Variants in ASPM observed in about 807,000 individuals in gnomAD.
The protein encoded by ASPM is assembly factor for spindle microtubules.
In ASPM, 256 loss-of-function variants were observed where a neutral mutation model predicts 366.4. The ratio of observed to expected loss-of-function variants is 0.70; its 90% CI spans 0.63 to 0.77. ASPM has a LOEUF of 0.77. Ranked by LOEUF, ASPM falls within the 30% of genes least tolerant of loss-of-function variation. The pLI, the probability that ASPM is intolerant of heterozygous loss-of-function variation, is 0.00. For synonymous variants in ASPM, 1,414 were observed against 1,342.9 expected (o/e 1.05, Z -1.16); for missense variants, 4,146 against 4,090.4 (o/e 1.01, Z -0.37).
intron 27 of ASPM, among the ~76,000 whole-genome samples, chr1:197,085,637 G>T (rs918051581): frequency 6.6e-6 from 1 of 152,096 alleles, no homozygotes; most frequent in Non-Finnish European, 1.5e-5. Flanking sequence ...CTAAGGAAAA[G>T]AATCCAGTCA....
In ASPM at chr1:197,146,172, A is replaced by T. The variant is rs149942873; in HGVS notation, c.266T>A (p.Phe89Tyr). 40 of 1,614,050 alleles carry T rather than the reference A, an allele frequency of 2.5e-5. No individual in the cohort carries two copies. Among genetic ancestry groups the T allele is most frequent in the Non-Finnish European group, 3.4e-5 (40 of 1,180,014 alleles). Residue 89 changes from phenylalanine to tyrosine, a missense_variant, in exon 1 of 28, where the codon TTC becomes TAC. This residue lies in a region of ASPM where 512 missense variants were observed against 471.7 expected (regional missense o/e 1.09). Coordinates refer to ENST00000367409, the MANE Select transcript of ASPM (RefSeq NM_018136.5). Reference protein sequence around the residue: ...ISHFPAADLGFSVSQRCFVLQ... With the variant: ...ISHFPAADLGYSVSQRCFVLQ... Reference sequence around the variant, plus strand: ...CACGAAACAGCGCTGCGACACACTGAAGCCCAGGTCCGCGGCCGGGAAGTG... The same window carrying T: ...CACGAAACAGCGCTGCGACACACTGTAGCCCAGGTCCGCGGCCGGGAAGTG...
In ASPM at chr1:197,095,943, C is replaced by T. The variant is rs567759012; in HGVS notation, c.8987+55G>A. 1,233 of 1,427,038 alleles carry T rather than the reference C, an allele frequency of 8.6e-4. 1 individual carries two copies. The highest frequency in any genetic ancestry group is 1.4e-3 in the South Asian group (110 of 80,154). The allele number at this position is 1,427,038 out of a possible 1,614,324, so 88.4% of individuals were successfully genotyped here. On this transcript the variant is annotated intron_variant, in intron 19 of 27. Transcript: ENST00000367409. ...TAAGCAGTGTTATTTTATGTAAAGACTTAGCTATCACACACAAATACTTTT... is the reference window on the plus strand; with the variant it reads ...TAAGCAGTGTTATTTTATGTAAAGATTTAGCTATCACACACAAATACTTTT...
intron 10 of ASPM, among the ~76,000 whole-genome samples, chr1:197,128,270 C>A (rs1410159932): frequency 6.7e-6 from 1 of 150,062 alleles, no homozygotes; most frequent in East Asian, 2.0e-4. Context: ...GAGTCCCAGT[C>A]ACATGCCATC....
chr1:197,098,022 A>G (rs1657035489), intron 18 of ASPM, among the ~76,000 whole-genome samples: 1 of 150,260 alleles, frequency 6.7e-6, no homozygotes, highest in Admixed American at 6.7e-5. Context: ...ATATACACAC[A>G]CACACATCAC....
Position 197,122,511 on chromosome 1 carries a change from C to A in ASPM, c.3475G>T (p.Asp1159Tyr). The A allele has an allele frequency of 6.2e-7, 1 of 1,613,434 alleles. No individual in the cohort carries two copies. Among genetic ancestry groups the A allele is most frequent in the Non-Finnish European group, 8.5e-7 (1 of 1,179,648 alleles). The change falls in exon 14 of 28, where the codon GAC becomes TAC. Residue 1159 changes from aspartate to tyrosine, a missense_variant. This residue lies in a region of ASPM where 3,624 missense variants were observed against 3,591.7 expected (regional missense o/e 1.01). Transcript: ENST00000367409. ...HHYHPCYVPF[D>Y]AICQRTTQTV... Reference sequence around the variant, plus strand: ...TGAGTAGTACGCTGACATATAGCGTCAAATGGCACATAGCAAGGATGGTAA... The same window carrying A: ...TGAGTAGTACGCTGACATATAGCGTAAAATGGCACATAGCAAGGATGGTAA...
chr1:197,114,531 G>A (rs1302557599), intron 17 of ASPM, among the ~76,000 whole-genome samples: 1 of 152,158 alleles, frequency 6.6e-6, no homozygotes, highest in Non-Finnish European at 1.5e-5. Flanking sequence ...GCCCGCTGCT[G>A]CTTTGTCAAC....
In ASPM at chr1:197,101,118, C is replaced by G. The variant is rs879241576; in HGVS notation, c.8133G>C (p.Lys2711Asn). The G allele has an allele frequency of 8.7e-6, 14 of 1,611,952 alleles. No individual in the cohort carries two copies. The highest frequency in any genetic ancestry group is 1.2e-5 in the Non-Finnish European group (14 of 1,178,892). ...MHRAKVDYETKKTAIVVIQNY... is the reference protein window; with the variant it reads ...MHRAKVDYETNKTAIVVIQNY... Reference sequence around the variant, plus strand: ...TCTGTATAACCACAATTGCAGTTTTCTTTGTTTCATAATCAACTTTGGCCC... The same window carrying G: ...TCTGTATAACCACAATTGCAGTTTTGTTTGTTTCATAATCAACTTTGGCCC... Residue 2711 changes from lysine to asparagine, a missense_variant, in exon 18 of 28, where the codon AAG (lysine) becomes AAC (asparagine). Around this residue, in one of 3 missense-constraint regions of ASPM, gnomAD observed 3,624 missense variants for 3,591.7 expected, o/e 1.01. Transcript: ENST00000367409.
chr1:197,100,319 C>T, intron 18 of ASPM, 112 bp downstream of exon 18: 3 of 772,356 alleles, frequency 3.9e-6, no homozygotes, highest in Non-Finnish European at 6.1e-6. Flanking sequence ...AAATGGTCAC[C>T]TCAACTAAGT....
In ASPM at chr1:197,143,095, GA is replaced by G; in HGVS notation, c.1156del (p.Ser386GlnfsTer12). On this transcript the variant is annotated frameshift_variant, in exon 3 of 28. Transcript: ENST00000367409. LOFTEE classifies it high-confidence loss of function. ...ATTAGGGGATAAAATAGGATTAACT[GA>G]CTCTGATTCTAGATCCTGATTTAGT... ...YGLNQDLESE[S>X]VNPILSPNQF... The G allele has an allele frequency of 6.2e-7, 1 of 1,612,870 alleles. No individual in the cohort carries two copies. The highest frequency in any genetic ancestry group is 1.3e-5 in the African/African-American group (1 of 74,994).
At chr1:197,109,031 T>G (rs1279356449) in intron 17 of ASPM, among the ~76,000 whole-genome samples, 1 of 149,680 alleles carries the variant, frequency 6.7e-6, no homozygotes, top group African/African-American at 2.5e-5. Flanking sequence ...AATATGCTAA[T>G]TGTCCTAATG....
intron 10 of ASPM, among the ~76,000 whole-genome samples, chr1:197,126,270 G>A (rs1229284485): frequency 2.0e-5 from 3 of 151,788 alleles, no homozygotes; most frequent in African/African-American, 4.8e-5. Context: ...GTGAAACCCC[G>A]TCTCCACTGA....
rs1352088270 is a variant in ASPM at position 197,093,277 on chromosome 1, T to C, written c.9085-16A>G. The C allele has an allele frequency of 4.4e-6, 7 of 1,597,058 alleles. No homozygotes were observed. In the Admixed American group the frequency reaches 1.0e-4, roughly 23 times the overall value. On this transcript the variant is annotated splice_polypyrimidine_tract_variant and intron_variant, in intron 20 of 27. Transcript: ENST00000367409. ...CTCGATGTCTCTATAAGGAAAAATT[T>C]ACAAGTAACATTAATGGGTAGAAAG...
chr1:197,124,731 C>A, intron 12 of ASPM, 139 bp downstream of exon 12: 1 of 636,992 alleles, frequency 1.6e-6, no homozygotes, highest in Non-Finnish European at 2.8e-6. Context: ...ATATATATAG[C>A]ATTTATCACA....
chr1:197,098,337 C>T (rs1281450656), intron 18 of ASPM, among the ~76,000 whole-genome samples: 1 of 151,366 alleles, frequency 6.6e-6, no homozygotes, highest in Non-Finnish European at 1.5e-5. Context: ...GCTTCCCATA[C>T]CAATTAGAAT....
Position 197,104,925 on chromosome 1 carries a change from T to G in ASPM, c.4326A>C (p.Gln1442His), listed in dbSNP as rs753834923. 1.2e-6 allele frequency: 2 copies of G among 1,612,270 alleles called. No homozygotes were observed. The highest frequency in any genetic ancestry group is 1.7e-6 in the Non-Finnish European group (2 of 1,179,178). The change falls in exon 18 of 28, where the codon CAA (glutamine) becomes CAC (histidine). Residue 1442 changes from glutamine (Q) to histidine (H), a missense_variant. Coordinates refer to ENST00000367409, the MANE Select transcript of ASPM (RefSeq NM_018136.5). ...TTTGCAATATTACTGTAGCTTTTAC[T>G]TGTGATTGCATTTTACGTTGCTTCC... Reference protein sequence around the residue: ...RKWKQRKMQSQVKATVILQRA... With the variant: ...RKWKQRKMQSHVKATVILQRA...
intron 9 of ASPM, 61 bp from the exon 10 acceptor site, chr1:197,128,726 A>G: frequency 1.5e-6 from 2 of 1,324,302 alleles, no homozygotes; most frequent in Non-Finnish European, 1.1e-6. Flanking sequence ...TATAATAAAA[A>G]CAAATCCTCC....
chr1:197,091,839 T>G, intron 22 of ASPM, 68 bp downstream of exon 22: 1 of 1,507,682 alleles, frequency 6.6e-7, no homozygotes, highest in Non-Finnish European at 9.2e-7. Flanking sequence ...GGAAATTGTT[T>G]ATTACATATC....
At chr1:197,112,757 G>A (rs1657627344) in intron 17 of ASPM, among the ~76,000 whole-genome samples, 1 of 152,036 alleles carries the variant, frequency 6.6e-6, no homozygotes, top group African/African-American at 2.4e-5. Context: ...CTAAACCAAT[G>A]TACTTCTTAC....
At chr1:197,118,762 TTA>T (rs929941239) in intron 16 of ASPM, among the ~76,000 whole-genome samples, 2 of 152,186 alleles carry the variant, frequency 1.3e-5, no homozygotes, top group African/African-American at 4.8e-5. Context: ...ATGAGGTCAA[TTA>T]GCTTGTTAGT....
Sources: gnomAD v4.1 joint callset for allele counts (sites outside exome capture counted in the v4.1 genomes callset) on GRCh38, gnomAD v4.1.1 for gene constraint, gnomAD v4.1.1 regional missense constraint, MANE v1.5 for transcripts, NCBI Gene and HGNC (gene_info 2026-07-23, HGNC 2026-07-21) for gene names.